FNIP1: variants seen among roughly 807,000 people sequenced by gnomAD.
FNIP1 encodes folliculin-interacting protein 1.
FNIP1 carries 40 observed loss-of-function variants against 124.5 expected under a neutral mutation model. The observed-to-expected ratio is 0.32, with a 90% CI of 0.25 to 0.42. The LOEUF (loss-of-function observed/expected upper bound fraction) is 0.42, where lower values mean the gene tolerates loss of function less well. Among genes scored for constraint, FNIP1 ranks in the 10% least tolerant of loss-of-function variants. The pLI is 1.00. For synonymous variants in FNIP1, 472 were observed against 470.6 expected (o/e 1.00, Z -0.04); for missense variants, 1,176 against 1,403.7 (o/e 0.84, Z 2.59).
At chr5:131,680,181 T>C (rs1351472812) in intron 11 of FNIP1, among the ~76,000 whole-genome samples, 1 of 152,190 alleles carries the variant, frequency 6.6e-6, no homozygotes, top group Non-Finnish European at 1.5e-5. Flanking sequence ...GGCTGAGATT[T>C]TATTGTGCAA....
In FNIP1 at chr5:131,710,874, G is replaced by A. The variant is rs569901121; in HGVS notation, c.623-213C>T. Among the ~76,000 whole-genome samples, 308 of 152,200 alleles carry A rather than the reference G, an allele frequency of 2.0e-3. 1 individual carries two copies. The highest frequency in any genetic ancestry group is 7.1e-3 in the African/African-American group (295 of 41,538). On this transcript the variant is annotated intron_variant, in intron 6 of 17. Transcript: ENST00000510461. ...GATTTATATGAAACAACAACTTCAT[G>A]TATTTTTACTAATAAATCTATATGT...
chr5:131,728,511 T>G (rs1314409823), intron 3 of FNIP1, among the ~76,000 whole-genome samples: 2 of 152,110 alleles, frequency 1.3e-5, no homozygotes, highest in Non-Finnish European at 2.9e-5. Context: ...GTTCTCGTAC[T>G]GTGTTTTTCA....
rs188039857 is a variant in FNIP1 at position 131,734,891 on chromosome 5, G to A, written c.220-3853C>T. Among the ~76,000 whole-genome samples, 237 of 152,322 alleles carry A rather than the reference G, an allele frequency of 1.6e-3. 1 individual carries two copies. The highest frequency in any genetic ancestry group is 2.8e-3 in the Non-Finnish European group (191 of 68,034). ...GTAAACTAGTTCAACCATTGTGGAA[G>A]ACAGTGTGGCGATTTCTCAGGGATC... On this transcript the variant is annotated intron_variant, in intron 2 of 17. Transcript: ENST00000510461.
chr5:131,681,821 G>A (rs958570018), intron 11 of FNIP1, among the ~76,000 whole-genome samples: 3 of 140,148 alleles, frequency 2.1e-5, no homozygotes, highest in African/African-American at 7.8e-5. Context: ...AAAGAAAGCA[G>A]AAAAATTACC....
rs1341513352 is a variant in FNIP1 at position 131,646,756 on chromosome 5, A to C, written c.3422+334T>G. On this transcript the variant is annotated intron_variant, in intron 17 of 17. Transcript: ENST00000510461. ...AGACTTCTGTTACCTCAACCAGCTC[A>C]TGTGGAAGGCAGGGCAGATACTTGG... is the stretch of plus-strand genomic sequence containing the variant. 3.3e-5 allele frequency among the ~76,000 whole-genome samples: 5 copies of C among 152,352 alleles called. No individual in the cohort carries two copies. The East Asian group carries it at 9.6e-4, about 29-fold the overall frequency.
chr5:131,674,346 G>A (rs990053201), intron 13 of FNIP1, among the ~76,000 whole-genome samples: 31 of 152,172 alleles, frequency 2.0e-4, no homozygotes, highest in Admixed American at 3.3e-4. Context: ...GGAGGTGAGG[G>A]GGGCAGGACT....
intron 1 of FNIP1, among the ~76,000 whole-genome samples, chr5:131,780,458 CTTTT>C (rs896724622): frequency 1.4e-4 from 21 of 152,098 alleles, no homozygotes; most frequent in African/African-American, 5.1e-4. Flanking sequence ...GCAGATACCA[CTTTT>C]TTTATTTTTA....
intron 16 of FNIP1, among the ~76,000 whole-genome samples, chr5:131,649,744 T>C (rs1561636379): frequency 6.6e-6 from 1 of 152,220 alleles, no homozygotes; most frequent in African/African-American, 2.4e-5. Context: ...ACAAAGATTA[T>C]CCCCTAGGTT....
chr5:131,785,339 G>C (rs1210055072), intron 1 of FNIP1, among the ~76,000 whole-genome samples: 1 of 151,718 alleles, frequency 6.6e-6, no homozygotes, highest in Admixed American at 6.6e-5. Flanking sequence ...TGGACTGCTT[G>C]AGGTCAGGAG....
intron 6 of FNIP1, 44 bp from the exon 7 acceptor site, chr5:131,710,705 G>A (rs766359274): frequency 6.4e-7 from 1 of 1,568,676 alleles, no homozygotes; most frequent in Non-Finnish European, 8.7e-7. Flanking sequence ...AGGACTGTTA[G>A]AGAAGCCACA....
chr5:131,651,094 A>G (rs1338754098), intron 16 of FNIP1, among the ~76,000 whole-genome samples: 2 of 152,278 alleles, frequency 1.3e-5, no homozygotes, highest in Non-Finnish European at 2.9e-5. Context: ...ATTAAAAAAA[A>G]AAAACAGATA....
chr5:131,772,989 CCT>C (rs890343594), intron 1 of FNIP1, among the ~76,000 whole-genome samples: 10 of 152,152 alleles, frequency 6.6e-5, no homozygotes, highest in Non-Finnish European at 1.5e-4. Flanking sequence ...ATTATCTCAA[CCT>C]CTCATCTCTT....
intron 15 of FNIP1, among the ~76,000 whole-genome samples, chr5:131,654,751 A>G (rs1767142282): frequency 1.3e-5 from 2 of 152,228 alleles, no homozygotes; most frequent in Non-Finnish European, 2.9e-5. Flanking sequence ...GGAGAAGAAC[A>G]TGGATAATTC....
intron 2 of FNIP1, among the ~76,000 whole-genome samples, chr5:131,737,108 G>A (rs1378466497): frequency 2.6e-5 from 4 of 152,160 alleles, no homozygotes; most frequent in East Asian, 3.8e-4. Flanking sequence ...ACTTCTCTGA[G>A]ATAACAAAGT....
chr5:131,665,937 T>C (rs1398064282), intron 15 of FNIP1, among the ~76,000 whole-genome samples: 1 of 145,158 alleles, frequency 6.9e-6, no homozygotes, highest in Non-Finnish European at 1.5e-5. Context: ...AGTCTCGCTC[T>C]GTCGCCCAGG....
intron 3 of FNIP1, among the ~76,000 whole-genome samples, chr5:131,725,320 T>C (rs901120508): frequency 2.6e-5 from 4 of 152,260 alleles, no homozygotes; most frequent in African/African-American, 9.6e-5. Context: ...ATACTGATTC[T>C]TCCTATCCAT....
At chr5:131,700,870 CCCA>C (rs1301806205) in intron 10 of FNIP1, among the ~76,000 whole-genome samples, 1 of 152,122 alleles carries the variant, frequency 6.6e-6, no homozygotes, top group African/African-American at 2.4e-5. Context: ...AAAATTAAGT[CCCA>C]TTCACTTATG....
intron 1 of FNIP1, among the ~76,000 whole-genome samples, chr5:131,762,132 G>A (rs1335416933): frequency 5.3e-5 from 8 of 152,024 alleles, no homozygotes; most frequent in African/African-American, 1.4e-4. Context: ...CTTAAATCTA[G>A]GACCTCAAAC....
At position 131,669,775 on chromosome 5, in the gene FNIP1, T is replaced by C. The variant is rs186215832; in HGVS notation, c.3108+688A>G. 3.9e-5 allele frequency among the ~76,000 whole-genome samples: 6 copies of C among 152,158 alleles called. No homozygotes were observed. In the East Asian group the frequency reaches 1.2e-3, roughly 29 times the overall value. On this transcript the variant is annotated intron_variant, in intron 15 of 17. Transcript: ENST00000510461. Reference sequence around the variant, plus strand: ...AACTTCTTCCATCTAATAAAGGGCATCACAAAAACCTTACAACTAACAACA... The same window carrying C: ...AACTTCTTCCATCTAATAAAGGGCACCACAAAAACCTTACAACTAACAACA...
Sources: allele counts gnomAD v4.1 joint callset (sites outside exome capture counted in the v4.1 genomes callset), GRCh38; gene constraint gnomAD v4.1.1; transcripts MANE v1.5; gene names NCBI Gene and HGNC (gene_info 2026-07-23, HGNC 2026-07-21).